Variants in CAMK1D observed in about 807,000 individuals in gnomAD.
CAMK1D encodes calcium/calmodulin dependent protein kinase ID.
In CAMK1D, 9 loss-of-function variants were observed where a neutral mutation model predicts 47.7. The observed-to-expected ratio is 0.19, with a 90% CI of 0.11 to 0.33. CAMK1D has a LOEUF of 0.33. CAMK1D is among the 10% of genes least tolerant of loss of function. The probability of loss-of-function intolerance (pLI) is 1.00; values close to 1 mark genes in which losing one functional copy is unlikely to be tolerated. For synonymous variants in CAMK1D, 184 were observed against 184.9 expected, an observed-to-expected ratio of 0.99 and a Z score of 0.04; for missense variants, 291 against 488.7, an observed-to-expected ratio of 0.60 and a Z score of 3.81.
intron 2 of CAMK1D, among the ~76,000 whole-genome samples, chr10:12,649,008 A>G (rs966940633): frequency 6.6e-6 from 1 of 152,080 alleles, no homozygotes; most frequent in Non-Finnish European, 1.5e-5. Context: ...CTGGAACTAC[A>G]GACACCCACC....
intron 2 of CAMK1D, among the ~76,000 whole-genome samples, chr10:12,588,788 AT>A (rs1318948977): frequency 1.4e-5 from 2 of 147,576 alleles, no homozygotes; most frequent in Non-Finnish European, 3.0e-5. Flanking sequence ...GTATATATAT[AT>A]ACACACACAC....
intron 1 of CAMK1D, among the ~76,000 whole-genome samples, chr10:12,429,104 C>G (rs1248067106): frequency 1.3e-5 from 2 of 152,132 alleles, no homozygotes; most frequent in African/African-American, 4.8e-5. Flanking sequence ...CCACTGCCAT[C>G]TCCCACATTG....
At chr10:12,429,257 C>T (rs1004317283) in intron 1 of CAMK1D, among the ~76,000 whole-genome samples, 2 of 152,164 alleles carry the variant, frequency 1.3e-5, no homozygotes, top group African/African-American at 4.8e-5. Context: ...CATTCTCCAG[C>T]CTGCAGTGTG....
At chr10:12,493,064 T>C (rs1834434854) in intron 1 of CAMK1D, among the ~76,000 whole-genome samples, 1 of 152,210 alleles carries the variant, frequency 6.6e-6, no homozygotes, top group African/African-American at 2.4e-5. Context: ...TTCTGTACTC[T>C]TGTTGATAAC....
chr10:12,424,554 C>T (rs954049816), intron 1 of CAMK1D, among the ~76,000 whole-genome samples: 4 of 152,236 alleles, frequency 2.6e-5, no homozygotes, highest in African/African-American at 7.2e-5. Context: ...TTGCTGGTCT[C>T]GCTTCCTTCT....
rs146279227 is a variant in CAMK1D, at chr10:12,503,554, G to A, written c.93-49671G>A. On this transcript the variant is annotated intron_variant, in intron 1 of 10. Coordinates refer to ENST00000619168, the MANE Select transcript of CAMK1D (RefSeq NM_153498.4). Reference sequence around the variant, plus strand: ...GCAAGAGCGGGCTCCCAGGGAGAGGGGCGGGACGTTTGTGAGTGGAGATCT... The same window carrying A: ...GCAAGAGCGGGCTCCCAGGGAGAGGAGCGGGACGTTTGTGAGTGGAGATCT... 6.9e-4 allele frequency among the ~76,000 whole-genome samples: 105 copies of A among 152,296 alleles called. 2 individuals are homozygous for A. The highest frequency in any genetic ancestry group is 2.4e-3 in the African/African-American group (98 of 41,566).
In CAMK1D at chr10:12,542,868, C is replaced by T. The variant is rs1836241225; in HGVS notation, c.93-10357C>T. Among the ~76,000 whole-genome samples the T allele has an allele frequency of 2.0e-5, 3 of 152,108 alleles. No individual in the cohort carries two copies. The South Asian group carries it at 6.2e-4, about 32-fold the overall frequency. On this transcript the variant is annotated intron_variant, in intron 1 of 10. Coordinates refer to ENST00000619168, the MANE Select transcript of CAMK1D (RefSeq NM_153498.4). ...TTGAGCAATTCTCCTGCCTCAGCCT[C>T]CCAAGTAGCTGGGATTACAGGCATG...
intron 1 of CAMK1D, among the ~76,000 whole-genome samples, chr10:12,478,793 C>G (rs147172057): frequency 1.9e-4 from 29 of 152,260 alleles, no homozygotes; most frequent in Non-Finnish European, 2.8e-4. Context: ...CTCTCTCATG[C>G]TCTCCTTTAA....
chr10:12,811,160 A>C (rs1326518954), intron 6 of CAMK1D, among the ~76,000 whole-genome samples: 1 of 152,226 alleles, frequency 6.6e-6, no homozygotes, highest in Admixed American at 6.5e-5. Flanking sequence ...AAAATTGGGA[A>C]AGGCATTATT....
intron 5 of CAMK1D, among the ~76,000 whole-genome samples, chr10:12,773,852 T>C (rs1203159536): frequency 6.6e-6 from 1 of 152,076 alleles, no homozygotes; most frequent in East Asian, 1.9e-4. Flanking sequence ...TGAGCTGAGA[T>C]TGCGCCACTG....
chr10:12,709,675 A>G (rs1833864280), intron 3 of CAMK1D, among the ~76,000 whole-genome samples: 1 of 152,210 alleles, frequency 6.6e-6, no homozygotes, highest in Non-Finnish European at 1.5e-5. Flanking sequence ...CTGTAGGATT[A>G]TGGAGTGATT....
intron 1 of CAMK1D, among the ~76,000 whole-genome samples, chr10:12,421,151 T>C (rs1588467068): frequency 6.6e-6 from 1 of 152,090 alleles, no homozygotes; most frequent in South Asian, 2.1e-4. Flanking sequence ...ACTAGGCGGG[T>C]GTAAGCTTCA....
rs549375121 is a variant in CAMK1D at position 12,535,589 on chromosome 10, G to A, written c.93-17636G>A. Among the ~76,000 whole-genome samples the A allele has an allele frequency of 4.6e-5, 7 of 152,290 alleles. No homozygotes were observed. The South Asian group carries it at 1.5e-3, about 32-fold the overall frequency. ...TTCCTAGGACCCCTGGGCCTCTTTAGTTAGGTTCTAACAGTGTTGGTCCTG... is the reference window on the plus strand; with the variant it reads ...TTCCTAGGACCCCTGGGCCTCTTTAATTAGGTTCTAACAGTGTTGGTCCTG... On this transcript the variant is annotated intron_variant, in intron 1 of 10. Coordinates refer to ENST00000619168, the MANE Select transcript of CAMK1D (RefSeq NM_153498.4).
chr10:12,579,167 G>A (rs1044259475), intron 2 of CAMK1D, among the ~76,000 whole-genome samples: 3 of 152,186 alleles, frequency 2.0e-5, no homozygotes, highest in South Asian at 2.1e-4. Context: ...GGCTGTGGGT[G>A]TGGAACAGCA....
At chr10:12,412,555 G>A (rs1249693612) in intron 1 of CAMK1D, among the ~76,000 whole-genome samples, 3 of 150,776 alleles carry the variant, frequency 2.0e-5, no homozygotes, top group Non-Finnish European at 3.0e-5. Flanking sequence ...CCCTGGAGGC[G>A]GAGGTTGCAG....
intron 2 of CAMK1D, among the ~76,000 whole-genome samples, chr10:12,607,114 C>T (rs1838485316): frequency 6.6e-6 from 1 of 152,168 alleles, no homozygotes. Flanking sequence ...CATGAGCCAC[C>T]GCGCCTGGCC....
chr10:12,572,168 C>T (rs1474859903), intron 2 of CAMK1D, among the ~76,000 whole-genome samples: 8 of 151,940 alleles, frequency 5.3e-5, no homozygotes, highest in Admixed American at 2.6e-4. Flanking sequence ...TTTGGCTCTA[C>T]GTCCCCACCC....
intron 1 of CAMK1D, among the ~76,000 whole-genome samples, chr10:12,533,918 G>A (rs1192676464): frequency 6.6e-6 from 1 of 152,142 alleles, no homozygotes; most frequent in Non-Finnish European, 1.5e-5. Context: ...GCTGATTGCT[G>A]GAGATCCAGC....
intron 1 of CAMK1D, among the ~76,000 whole-genome samples, chr10:12,397,271 G>A (rs1588440860): frequency 1.3e-5 from 2 of 152,268 alleles, no homozygotes; most frequent in South Asian, 4.1e-4. Context: ...TCCTGCAGGT[G>A]TTCTGTTCTT....
Sources: gnomAD v4.1 joint callset for allele counts (sites outside exome capture counted in the v4.1 genomes callset) on GRCh38, gnomAD v4.1.1 for gene constraint, MANE v1.5 for transcripts, NCBI Gene and HGNC (gene_info 2026-07-23, HGNC 2026-07-21) for gene names.